SCN4A: variants seen among roughly 807,000 people sequenced by gnomAD.
The protein encoded by SCN4A is sodium voltage-gated channel alpha subunit 4.
In SCN4A, 83 loss-of-function variants were observed where a neutral mutation model predicts 162.0. That is an observed-to-expected ratio of 0.51 (90% CI 0.43 to 0.61). SCN4A has a LOEUF of 0.61. SCN4A is among the 20% of genes least tolerant of loss of function. The pLI is 0.00. For missense variants in SCN4A, 2,196 were observed against 2,462.5 expected (o/e 0.89, Z 2.29); for synonymous variants, 944 against 985.1 (o/e 0.96, Z 0.78).
chr17:63,965,776 C>A (rs1452178539), intron 8 of SCN4A, among the ~76,000 whole-genome samples: 1 of 152,234 alleles, frequency 6.6e-6, no homozygotes, highest in Non-Finnish European at 1.5e-5. Flanking sequence ...CGTGAGCCAC[C>A]GCGCCCGGCA....
At chr17:63,955,942 T>C (rs1466897967) in intron 13 of SCN4A, among the ~76,000 whole-genome samples, 3 of 152,232 alleles carry the variant, frequency 2.0e-5, no homozygotes, top group African/African-American at 7.2e-5. Flanking sequence ...GACAGGCGTC[T>C]TCCCAGTCCC....
In SCN4A at chr17:63,951,349, GA is replaced by G; in HGVS notation, c.2853+74del. 9.7e-7 allele frequency: 1 copy of G among 1,029,494 alleles called. No homozygotes were observed. The allele number at this position is 1,029,494 out of a possible 1,614,324, so 63.8% of individuals were successfully genotyped here. A position where few individuals can be genotyped will look rare whatever the true frequency, so the allele number is the denominator to read the frequency against. On this transcript the variant is annotated intron_variant, in intron 14 of 23. Coordinates refer to ENST00000435607, the MANE Select transcript of SCN4A (RefSeq NM_000334.4). This position sits in a 1 kb window ranked among gnomAD's most constrained non-coding sequence, Gnocchi z 4.5. ...TTACAGCTGGAGAAACTGAGGCTCA[GA>G]GAGGACTTAGGGCTTGCTCCAGGTC... is the stretch of plus-strand genomic sequence containing the variant.
In SCN4A at chr17:63,947,146, C is replaced by A; in HGVS notation, c.3340G>T (p.Ala1114Ser). The A allele has an allele frequency of 1.2e-6, 2 of 1,613,422 alleles. No individual in the cohort carries two copies. ...IVDVSIISLV[A>S]NWLGYSELGP... ...AGCTCCGAGTAGCCCAGCCAGTTGGCCACCAAGCTGATGATGGAGACCTGC... is the reference window on the plus strand; with the variant it reads ...AGCTCCGAGTAGCCCAGCCAGTTGGACACCAAGCTGATGATGGAGACCTGC... The change falls in exon 18 of 24, where the codon GCC becomes TCC. Residue 1114 changes from alanine to serine, a missense_variant. Transcript: ENST00000435607.
chr17:63,947,810 T>A (rs1321362292), intron 17 of SCN4A, 80 bp downstream of exon 17: 1 of 1,465,646 alleles, frequency 6.8e-7, no homozygotes, highest in Non-Finnish European at 9.3e-7. Flanking sequence ...GTCCTGCCCT[T>A]CAGGGCGTGG....
chr17:63,957,301 T>C lies in SCN4A; in HGVS notation c.2237A>G (p.Asp746Gly), dbSNP rs1909099816. 1 of 1,613,962 alleles carries C rather than the reference T, an allele frequency of 6.2e-7. No individual in the cohort carries two copies. The highest frequency in any genetic ancestry group is 1.7e-5 in the Admixed American group (1 of 59,994). The part of the protein sequence containing the change: ...DCNLPRWHMH[D>G]FFHSFLIVFR... ...GACGATGAGGAAGGAGTGGAAGAAA[T>C]CATGCATGTGCCAGCGCGGCAGGTT... is the stretch of plus-strand genomic sequence containing the variant. Residue 746 changes from aspartate (D) to glycine (G), a missense_variant, in exon 13 of 24, where the codon GAT (aspartate) becomes GGT (glycine). Coordinates refer to ENST00000435607, the MANE Select transcript of SCN4A (RefSeq NM_000334.4).
chr17:63,940,800 G>A lies in SCN4A; in HGVS notation c.5482C>T (p.Arg1828Cys), dbSNP rs758511540. The A allele has an allele frequency of 1.9e-5, 30 of 1,588,840 alleles. No homozygotes were observed. Among genetic ancestry groups the A allele is most frequent in the Middle Eastern group, 1.7e-4 (1 of 5,978 alleles). Residue 1828 changes from arginine (R) to cysteine (C), a missense_variant, in exon 24 of 24, where the codon CGC (arginine) becomes TGC (cysteine). Transcript: ENST00000435607. ...ACAAGAGACTCCTTGACACCTGGGC[G>A]CACAGTCTGCCCTGGGGGAGGGGCG... ...PPAPPPGQTV[R>C]PGVKESLV
At position 63,940,739 on chromosome 17, in the gene SCN4A, C is replaced by T. The variant is rs375395773; in HGVS notation, c.*32G>A. On this transcript the variant is annotated 3_prime_UTR_variant, in exon 24 of 24. Transcript: ENST00000435607. ...CACGGGGGAGCTCTGGGGACTATGC[C>T]GAGACTCAGTGGGCCACCCCGATGC... 2.5e-5 allele frequency: 38 copies of T among 1,530,184 alleles called. No individual in the cohort carries two copies. The highest frequency in any genetic ancestry group is 4.2e-5 in the Admixed American group (2 of 47,986). 94.8% of individuals were successfully genotyped at this position (1,530,184 alleles called of 1,614,324 possible). A position where few individuals can be genotyped will look rare whatever the true frequency, so the allele number is the denominator to read the frequency against.
intron 16 of SCN4A, 46 bp downstream of exon 16, chr17:63,948,565 T>C (rs779895733): frequency 6.4e-7 from 1 of 1,571,040 alleles, no homozygotes; most frequent in Non-Finnish European, 8.7e-7. Flanking sequence ...GGACCTGCTG[T>C]GGGCCTGGCC....
chr17:63,947,244 C>T (rs1045923760), intron 17 of SCN4A, 77 bp from the exon 18 acceptor site: 9 of 1,573,832 alleles, frequency 5.7e-6, no homozygotes, highest in Admixed American at 1.7e-5. Context: ...GGGGGTCTTC[C>T]TGGACTCACA....
At chr17:63,961,978 G>A (rs945339776) in intron 10 of SCN4A, among the ~76,000 whole-genome samples, 1 of 149,662 alleles carries the variant, frequency 6.7e-6, no homozygotes, top group Non-Finnish European at 1.5e-5. Context: ...GCCTCCTCCC[G>A]AAGCTCCGCC....
chr17:63,956,007 G>A (rs1324437605), intron 13 of SCN4A, among the ~76,000 whole-genome samples: 3 of 152,230 alleles, frequency 2.0e-5, no homozygotes, highest in Non-Finnish European at 2.9e-5. Flanking sequence ...CAGCACTGCA[G>A]GGCTCTGGCA....
At chr17:63,961,651 C>T (rs1441269197) in intron 10 of SCN4A, 3 of 400,430 alleles carry the variant, frequency 7.5e-6, no homozygotes, top group Non-Finnish European at 4.7e-6. Flanking sequence ...CAAAGCCCCG[C>T]GCTCTGAGCG....
Position 63,943,810 on chromosome 17 carries a change from T to G in SCN4A, c.3953A>C (p.Lys1318Thr). The G allele has an allele frequency of 6.2e-7, 1 of 1,613,542 alleles. No homozygotes were observed. The highest frequency in any genetic ancestry group is 8.5e-7 in the Non-Finnish European group (1 of 1,179,486). The change falls in exon 22 of 24, where the codon AAA (lysine) becomes ACA (threonine). Residue 1318 changes from lysine to threonine, a missense_variant. Physicochemically the swap from Lys to Thr is moderately conservative, Grantham distance 78. Transcript: ENST00000435607. ...AAGCTTCTTCATGGCGTTATAGTAT[T>G]TCTTCTGTTCCTCCGTCATAAAGAT... is the stretch of plus-strand genomic sequence containing the variant. ...KDIFMTEEQK[K>T]YYNAMKKLGS...
At chr17:63,970,791 G>A (rs1909588187) in intron 5 of SCN4A, among the ~76,000 whole-genome samples, 1 of 152,118 alleles carries the variant, frequency 6.6e-6, no homozygotes, top group African/African-American at 2.4e-5. Context: ...ACACCACCAT[G>A]CCAGGCTAAT....
chr17:63,961,530 T>C, intron 10 of SCN4A, 99 bp from the exon 11 acceptor site: 1 of 837,938 alleles, frequency 1.2e-6, no homozygotes, highest in Non-Finnish European at 2.0e-6. Context: ...GCCCCGCCCC[T>C]TAGCACTCCA....
At position 63,945,849 on chromosome 17, in the gene SCN4A, C is replaced by G. The variant is rs1398098387; in HGVS notation, c.3442-211G>C. Among the ~76,000 whole-genome samples, 1 of 152,022 alleles carries G rather than the reference C, an allele frequency of 6.6e-6. No individual in the cohort carries two copies. The highest frequency in any genetic ancestry group is 1.9e-4 in the East Asian group (1 of 5,188). On this transcript the variant is annotated intron_variant, in intron 18 of 23. Transcript: ENST00000435607. The surrounding 1 kb of genome is among the most constrained non-coding windows in gnomAD (Gnocchi z 4.4). ...GCTGCAGGCCTGGTGGTCAAGAGGG[C>G]TCTCTGCTTGACTGGAGCCATCAGC... is the stretch of plus-strand genomic sequence containing the variant.
chr17:63,955,704 C>T (rs758332587), intron 13 of SCN4A, among the ~76,000 whole-genome samples: 3 of 152,108 alleles, frequency 2.0e-5, no homozygotes, highest in Non-Finnish European at 4.4e-5. Flanking sequence ...CCAATCCTGC[C>T]CCAAAGTTGG....
intron 4 of SCN4A, 98 bp from the exon 5 acceptor site, chr17:63,971,351 A>T: frequency 1.4e-6 from 1 of 736,700 alleles, no homozygotes; most frequent in Non-Finnish European, 2.4e-6. Context: ...AGGATTCCCA[A>T]GAAATTGGGG....
rs769913897 is a variant in SCN4A, at chr17:63,957,307, A to G, written c.2231T>C (p.Met744Thr). 1 of 1,614,048 alleles carries G rather than the reference A, an allele frequency of 6.2e-7. No individual in the cohort carries two copies. Among genetic ancestry groups the G allele is most frequent in the African/African-American group, 1.3e-5 (1 of 74,944 alleles). Residue 744 changes from methionine to threonine, a missense_variant, in exon 13 of 24, where the codon ATG becomes ACG. Coordinates refer to ENST00000435607, the MANE Select transcript of SCN4A (RefSeq NM_000334.4). ...ALDCNLPRWH[M>T]HDFFHSFLIV... ...GAGGAAGGAGTGGAAGAAATCATGC[A>G]TGTGCCAGCGCGGCAGGTTGCAGTC...
Sources: allele counts gnomAD v4.1 joint callset (sites outside exome capture counted in the v4.1 genomes callset), GRCh38; gene constraint gnomAD v4.1.1; non-coding constraint Gnocchi (gnomAD v3.1); transcripts MANE v1.5; gene names NCBI Gene and HGNC (gene_info 2026-07-23, HGNC 2026-07-21).